The following USH2A variants were observed in gnomAD, a reference collection of about 807,000 sequenced individuals.
The protein encoded by USH2A is Usher syndrome 2A (autosomal recessive, mild).
In USH2A, 443 loss-of-function variants were observed where a neutral mutation model predicts 538.9. The ratio of observed to expected loss-of-function variants is 0.82; its 90% CI spans 0.76 to 0.89. The LOEUF (loss-of-function observed/expected upper bound fraction) is 0.89, where lower values mean the gene tolerates loss of function less well. Ranked by LOEUF, USH2A falls within the 40% of genes least tolerant of loss-of-function variation. The pLI, the probability that USH2A is intolerant of heterozygous loss-of-function variation, is 0.00. For synonymous variants in USH2A, 2,413 were observed against 2,273.5 expected (o/e 1.06, Z -1.75); for missense variants, 6,633 against 6,324.8 (o/e 1.05, Z -1.65).
chr1:215,900,046 T>G, intron 40 of USH2A, 29 bp downstream of exon 40: 1 of 1,613,362 alleles, frequency 6.2e-7, no homozygotes, highest in Non-Finnish European at 8.5e-7. Context: ...GTAGAAGACA[T>G]TTGGCTGTGT....
intron 32 of USH2A, among the ~76,000 whole-genome samples, chr1:216,043,969 C>T (rs186837511): frequency 2.6e-5 from 4 of 151,970 alleles, no homozygotes; most frequent in African/African-American, 7.2e-5. Flanking sequence ...ATCAGTTCCC[C>T]TTTGCTATCT....
intron 47 of USH2A, among the ~76,000 whole-genome samples, chr1:215,818,918 A>G (rs1337518490): frequency 6.6e-6 from 1 of 151,834 alleles, no homozygotes; most frequent in African/African-American, 2.4e-5. Flanking sequence ...AGTGTAGCAC[A>G]GCAAAGAAAA....
rs201528904 is a variant in USH2A, at chr1:215,889,349, TA to T, written c.7595-296del. Among the ~76,000 whole-genome samples the T allele has an allele frequency of 8.4e-3, 1,280 of 152,252 alleles. 22 individuals are homozygous for T. Among genetic ancestry groups the T allele is most frequent in the African/African-American group, 0.029 (1,219 of 41,528 alleles). ...AGCCATTGGTTAAAAAATGAGGATT[TA>T]AAAAAATAAATTTAATAAACATACA... On this transcript the variant is annotated intron_variant, in intron 40 of 71. Coordinates refer to ENST00000307340, the MANE Select transcript of USH2A (RefSeq NM_206933.4).
rs1660357497 is a variant in USH2A at position 215,743,281 on chromosome 1, C to G, written c.11444G>C (p.Ser3815Thr). The G allele has an allele frequency of 1.2e-6, 2 of 1,610,788 alleles. No homozygotes were observed. The highest frequency in any genetic ancestry group is 1.7e-6 in the Non-Finnish European group (2 of 1,179,044). Residue 3815 changes from serine to threonine, a missense_variant, in exon 59 of 72, where the codon AGT (serine) becomes ACT (threonine). Ser to Thr is a moderately conservative substitution (Grantham distance 58). Coordinates refer to ENST00000307340, the MANE Select transcript of USH2A (RefSeq NM_206933.4). The part of the protein sequence containing the change: ...VEYNVLLNDG[S>T]VTPLAFSVGH... The stretch of plus-strand genomic sequence containing the variant: ...AACGGAGAAGGCCAGAGGTGTTACA[C>G]TTCCATCATTGAGTAAGACATTGTA...
At chr1:216,351,461 T>C (rs966576518) in intron 4 of USH2A, among the ~76,000 whole-genome samples, 3 of 152,094 alleles carry the variant, frequency 2.0e-5, no homozygotes, top group Admixed American at 1.3e-4. Context: ...TAGTCAAAAA[T>C]CGGCAAAGAG....
chr1:215,662,764 G>A (rs766599719), intron 64 of USH2A, among the ~76,000 whole-genome samples: 9 of 152,154 alleles, frequency 5.9e-5, no homozygotes, highest in Non-Finnish European at 8.8e-5. Context: ...AGTTGGGGTG[G>A]GTGTGGGGAG....
In USH2A at chr1:216,324,345, T is replaced by C. The variant is rs767777125; in HGVS notation, c.1151A>G (p.Tyr384Cys). 3 of 1,610,568 alleles carry C rather than the reference T, an allele frequency of 1.9e-6. No homozygotes were observed. Among genetic ancestry groups the C allele is most frequent in the Non-Finnish European group, 2.5e-6 (3 of 1,177,914 alleles). Reference protein sequence around the residue: ...DLENGQYQVFYIIIQFFSPQP... With the variant: ...DLENGQYQVFCIIIQFFSPQP... Reference sequence around the variant, plus strand: ...TGGACTAAAGAACTGAATGATAATATAAAACACCTGAAAATGGAAAGTTAA... The same window carrying C: ...TGGACTAAAGAACTGAATGATAATACAAAACACCTGAAAATGGAAAGTTAA... Residue 384 changes from tyrosine (Y) to cysteine (C), a missense_variant, in exon 7 of 72, where the codon TAT (tyrosine) becomes TGT (cysteine). Physicochemically the swap from Tyr to Cys is radical, Grantham distance 194 (BLOSUM62 -2). Transcript: ENST00000307340.
chr1:215,688,265 C>T (rs776496228), intron 61 of USH2A, among the ~76,000 whole-genome samples: 3 of 151,964 alleles, frequency 2.0e-5, no homozygotes, highest in Non-Finnish European at 4.4e-5. Context: ...GGAGCTAGTG[C>T]GACCAAGCTG....
At chr1:215,872,619 C>G (rs1664653036) in intron 43 of USH2A, among the ~76,000 whole-genome samples, 1 of 152,044 alleles carries the variant, frequency 6.6e-6, no homozygotes, top group Non-Finnish European at 1.5e-5. Context: ...AAAACACATC[C>G]TTCTGGATTT....
intron 49 of USH2A, among the ~76,000 whole-genome samples, chr1:215,807,744 G>T (rs927971185): frequency 7.2e-5 from 11 of 151,960 alleles, no homozygotes; most frequent in African/African-American, 2.7e-4. Flanking sequence ...TTAGCTTTTG[G>T]GAACTGGCTA....
At chr1:215,790,827 G>A (rs185508403) in intron 50 of USH2A, among the ~76,000 whole-genome samples, 114 of 152,278 alleles carry the variant, frequency 7.5e-4, no homozygotes, top group Non-Finnish European at 1.2e-3. Context: ...AGCTGCAATG[G>A]TAACCATGTT....
intron 49 of USH2A, among the ~76,000 whole-genome samples, chr1:215,810,659 T>C (rs1662643965): frequency 6.6e-6 from 1 of 152,168 alleles, no homozygotes. Context: ...TATAATTTTA[T>C]AGCAATGATT....
At chr1:216,368,825 C>T (rs1260290412) in intron 3 of USH2A, among the ~76,000 whole-genome samples, 2 of 152,092 alleles carry the variant, frequency 1.3e-5, no homozygotes, top group South Asian at 2.1e-4. Flanking sequence ...TTTGGACCTT[C>T]TCTGTGTGAC....
At chr1:215,851,136 T>C (rs1379345520) in intron 44 of USH2A, among the ~76,000 whole-genome samples, 2 of 151,900 alleles carry the variant, frequency 1.3e-5, no homozygotes, top group Non-Finnish European at 2.9e-5. Flanking sequence ...CTCAAGGAAC[T>C]AGAGAAACAA....
At chr1:216,415,176 C>T (rs563771495) in intron 3 of USH2A, among the ~76,000 whole-genome samples, 117 of 152,146 alleles carry the variant, frequency 7.7e-4, no homozygotes, top group Non-Finnish European at 1.4e-3. Flanking sequence ...CAACAGCTTG[C>T]CATACTTTAA....
chr1:216,298,890 G>A (rs2102619486), intron 9 of USH2A, among the ~76,000 whole-genome samples: 1 of 151,564 alleles, frequency 6.6e-6, no homozygotes, highest in East Asian at 1.9e-4. Context: ...GCCCAGGCTG[G>A]AGTGCAGTGG....
intron 21 of USH2A, chr1:216,174,452 CCAG>C: frequency 2.0e-6 from 2 of 985,240 alleles, no homozygotes; most frequent in African/African-American, 1.7e-5. Flanking sequence ...ACTAGTAAGG[CCAG>C]GAGGAGGGTA....
At chr1:216,209,980 G>A (rs552136147) in intron 15 of USH2A, among the ~76,000 whole-genome samples, 1 of 152,184 alleles carries the variant, frequency 6.6e-6, no homozygotes, top group South Asian at 2.1e-4. Context: ...CTGTCTTAGA[G>A]CCGGCCATAA....
chr1:216,347,959 T>C (rs943319199), intron 4 of USH2A, among the ~76,000 whole-genome samples: 2 of 152,074 alleles, frequency 1.3e-5, no homozygotes, highest in African/African-American at 4.8e-5. Context: ...TGAACAAGAG[T>C]TAACTGCATG....
Sources: gnomAD v4.1 joint callset for allele counts (sites outside exome capture counted in the v4.1 genomes callset) on GRCh38, gnomAD v4.1.1 for gene constraint, MANE v1.5 for transcripts, NCBI Gene and HGNC (gene_info 2026-07-23, HGNC 2026-07-21) for gene names.